The following CYP2A6 variants were observed in gnomAD, a reference collection of about 807,000 sequenced individuals.
CYP2A6 encodes cytochrome P450 family 2 subfamily A member 6, also known as cytochrome P450 2A6.
Under a neutral mutation model 42.3 loss-of-function variants are expected in CYP2A6, and 27 were observed. That is an observed-to-expected ratio of 0.64 (90% CI 0.47 to 0.88). The LOEUF (loss-of-function observed/expected upper bound fraction) is 0.88. Among genes scored for constraint, CYP2A6 ranks in the 40% least tolerant of loss-of-function variants. CYP2A6 has a pLI of 0.00. For missense variants in CYP2A6, 628 were observed against 646.0 expected (o/e 0.97, Z 0.30); for synonymous variants, 238 against 246.3 (o/e 0.97, Z 0.31).
At chr19:40,845,898 G>A in intron 6 of CYP2A6, 58 bp downstream of exon 6, 19 of 1,589,378 alleles carry the variant, frequency 1.2e-5, no homozygotes, top group Non-Finnish European at 1.6e-5. Context: ...CATTGCACCA[G>A]TCGAAGGGGA....
At position 40,843,709 on chromosome 19, in the gene CYP2A6, CT is replaced by C; in HGVS notation, c.*86del. 7.4e-7 allele frequency: 1 copy of C among 1,342,382 alleles called. No homozygotes were observed. The highest frequency in any genetic ancestry group is 1.4e-5 in the South Asian group (1 of 72,884). 83.2% of individuals were successfully genotyped at this position (1,342,382 alleles called of 1,614,324 possible). A position where few individuals can be genotyped will look rare whatever the true frequency, so the allele number is the denominator to read the frequency against. On this transcript the variant is annotated 3_prime_UTR_variant, in exon 9 of 9. Coordinates refer to ENST00000301141, the MANE Select transcript of CYP2A6 (RefSeq NM_000762.6). ...TCCTTTCCGCCATCCTGCCCCCAGT[CT>C]TAGCTGCGCCCCTCTCCCAAGCCCG...
At chr19:40,844,144 A>G (rs2083444237) in intron 8 of CYP2A6, among the ~76,000 whole-genome samples, 167 bp from the exon 9 acceptor site, 1 of 150,750 alleles carries the variant, frequency 6.6e-6, no homozygotes, top group Non-Finnish European at 1.5e-5. Flanking sequence ...ATTTCTTTCT[A>G]TAAGAGATGT....
chr19:40,849,054 GAGAGAGAGAGAGAGA>G (rs1967171377), intron 2 of CYP2A6, among the ~76,000 whole-genome samples: 1 of 122,172 alleles, frequency 8.2e-6, no homozygotes, highest in African/African-American at 3.1e-5. Context: ...AGGAGAGAGA[GAGAGAGAGAGAGAGA>G]GAGAGAGAGA....
In CYP2A6 at chr19:40,843,731, G is replaced by A. The variant is rs562378426; in HGVS notation, c.*65C>T. 7.3e-7 allele frequency: 1 copy of A among 1,375,754 alleles called. No individual in the cohort carries two copies. Among genetic ancestry groups the A allele is most frequent in the Non-Finnish European group, 9.7e-7 (1 of 1,028,218 alleles). The allele number at this position is 1,375,754 out of a possible 1,614,324, so 85.2% of individuals were successfully genotyped here. On this transcript the variant is annotated 3_prime_UTR_variant, in exon 9 of 9. Transcript: ENST00000301141. ...AGTCTTAGCTGCGCCCCTCTCCCAA[G>A]CCCGGTCTTGGCCCTGCCCTTTCCC...
chr19:40,847,194 T>C (rs1445611943), intron 4 of CYP2A6, 143 bp from the exon 5 acceptor site: 8 of 1,291,936 alleles, frequency 6.2e-6, no homozygotes, highest in Non-Finnish European at 7.3e-6. Flanking sequence ...TGGGGCCGGA[T>C]AGGAACTTAT....
At chr19:40,848,980 A>AGG (rs1568516012) in intron 2 of CYP2A6, among the ~76,000 whole-genome samples, 10 of 113,018 alleles carry the variant, frequency 8.8e-5, no homozygotes, top group African/African-American at 3.6e-4. Context: ...GAGAGAGAAG[A>AGG]GAGAGAGGAG....
rs1166908331 is a variant in CYP2A6, at chr19:40,850,402, C to T, written c.25G>A (p.Val9Met). The change falls in exon 1 of 9, where the codon GTG (valine) becomes ATG (methionine). Residue 9 changes from valine (V) to methionine (M), a missense_variant. Coordinates refer to ENST00000301141, the MANE Select transcript of CYP2A6 (RefSeq NM_000762.6). MLASGMLL[V>M]ALLVCLTVMV... ...ACAGTCAGGCAGACCAGCAAGGCCA[C>T]CAGAAGCATCCCTGAGGCCAGCATG... 6.8e-6 allele frequency: 11 copies of T among 1,609,706 alleles called. 2 individuals carry two copies. Among genetic ancestry groups the T allele is most frequent in the Non-Finnish European group, 6.8e-6 (8 of 1,178,582 alleles).
chr19:40,850,335 C>T lies in CYP2A6; in HGVS notation c.92G>A (p.Gly31Glu). 6.2e-7 allele frequency: 1 copy of T among 1,610,122 alleles called. No individual in the cohort carries two copies. The highest frequency in any genetic ancestry group is 8.5e-7 in the Non-Finnish European group (1 of 1,178,862). ...MSVWQQRKSKGKLPPGPTPLP... is the reference protein window; with the variant it reads ...MSVWQQRKSKEKLPPGPTPLP... ...TGGGGTGGGTCCCGGAGGCAGCTTC[C>T]CCTTGCTCTTCCTCTGCTGCCAAAC... The change falls in exon 1 of 9, where the codon GGG (glycine) becomes GAG (glutamate). Residue 31 changes from glycine to glutamate, a missense_variant. By Grantham distance (98) the Gly-to-Glu change is moderately conservative. Transcript: ENST00000301141.
chr19:40,848,960 GA>G (rs1967155619), intron 2 of CYP2A6, among the ~76,000 whole-genome samples, 197 bp from the exon 3 acceptor site: 1 of 135,076 alleles, frequency 7.4e-6, no homozygotes, highest in Non-Finnish European at 1.6e-5. Flanking sequence ...GAGAGAGAGA[GA>G]GAGAGAGAGA....
Position 40,843,884 on chromosome 19 carries a change from T to A in CYP2A6, c.1397A>T (p.Gln466Leu), listed in dbSNP as rs749536457. The A allele has an allele frequency of 1.8e-5, 29 of 1,612,414 alleles. No individual in the cohort carries two copies. The highest frequency in any genetic ancestry group is 2.5e-5 in the Non-Finnish European group (29 of 1,179,782). ...GGACACGTCAATGTCCTTAGGTGAC[T>A]GGGAGGACTTGAGGCGGAAGTTCTG... ...VMQNFRLKSS[Q>L]SPKDIDVSPK... The change falls in exon 9 of 9, where the codon CAG (glutamine) becomes CTG (leucine). Residue 466 changes from glutamine (Q) to leucine (L), a missense_variant. By Grantham distance (113) the Gln-to-Leu change is moderately radical. Around this residue, in one of 2 missense-constraint regions of CYP2A6, gnomAD observed 22 missense variants for 77.8 expected, o/e 0.28. Coordinates refer to ENST00000301141, the MANE Select transcript of CYP2A6 (RefSeq NM_000762.6).
chr19:40,845,144 G>A, intron 7 of CYP2A6, 150 bp downstream of exon 7: 1 of 938,674 alleles, frequency 1.1e-6, no homozygotes, highest in South Asian at 1.6e-5. Context: ...TAAGTGGAAA[G>A]GTGGAACGGA....
rs369373560 is a variant in CYP2A6 at position 40,848,609 on chromosome 19, C to T, written c.493+5G>A. The T allele has an allele frequency of 1.2e-6, 2 of 1,610,796 alleles. No individual in the cohort carries two copies. The highest frequency in any genetic ancestry group is 2.7e-5 in the African/African-American group (2 of 74,672). ...CTGCCCCCGCACTCGGGGTCCCCTG[C>T]TCACCGCCAGTGCCCCGGAGGGCGT... On this transcript the variant is annotated splice_donor_5th_base_variant and intron_variant, in intron 3 of 8. Coordinates refer to ENST00000301141, the MANE Select transcript of CYP2A6 (RefSeq NM_000762.6).
At chr19:40,850,110 T>C (rs1967193527) in intron 1 of CYP2A6, 130 bp from the exon 2 acceptor site, 1 of 1,528,898 alleles carries the variant, frequency 6.5e-7, no homozygotes, top group Non-Finnish European at 8.8e-7. Context: ...CATCCCAAGA[T>C]CCTGTCTTTC....
intron 3 of CYP2A6, 35 bp downstream of exon 3, chr19:40,848,579 T>G (rs1398044397): frequency 6.2e-7 from 1 of 1,605,346 alleles, no homozygotes; most frequent in Admixed American, 1.7e-5. Flanking sequence ...GGTGTTTTCC[T>G]TCTCCTGCCC....
At position 40,846,854 on chromosome 19, in the gene CYP2A6, G is replaced by A. The variant is rs546098110; in HGVS notation, c.831+21C>T. 51 of 1,609,982 alleles carry A rather than the reference G, an allele frequency of 3.2e-5. 1 individual carries two copies. Among genetic ancestry groups the A allele is most frequent in the Middle Eastern group, 3.3e-4 (2 of 6,080 alleles). Reference sequence around the variant, plus strand: ...CCTCTGCCTGGCTTTGCATCTCCCCGCAGTGGCTGCTGGGGTGTACCTCCT... The same window carrying A: ...CCTCTGCCTGGCTTTGCATCTCCCCACAGTGGCTGCTGGGGTGTACCTCCT... On this transcript the variant is annotated intron_variant, in intron 5 of 8. Transcript: ENST00000301141.
intron 5 of CYP2A6, among the ~76,000 whole-genome samples, chr19:40,846,633 A>G (rs570989597): frequency 6.6e-6 from 1 of 151,588 alleles, no homozygotes; most frequent in South Asian, 2.1e-4. Context: ...GATTTTTAGT[A>G]GAGACGGGGT....
At chr19:40,846,125 C>T (rs765905000) in intron 5 of CYP2A6, 28 bp from the exon 6 acceptor site, 20 of 1,609,456 alleles carry the variant, frequency 1.2e-5, no homozygotes, top group Middle Eastern at 1.7e-4. Context: ...TTTAGGCCAA[C>T]CTCACTCCTC....
intron 2 of CYP2A6, among the ~76,000 whole-genome samples, chr19:40,849,057 AGAG>A: frequency 7.5e-6 from 1 of 133,134 alleles, no homozygotes; most frequent in African/African-American, 2.9e-5. Context: ...AGAGAGAGAG[AGAG>A]AGAGAGAGAG....
Position 40,848,297 on chromosome 19 carries a change from G to C in CYP2A6, c.576C>G (p.Asp192Glu). Reference sequence around the variant, plus strand: ...GTGACAGGAACTCTTTGTCCTTATAGTCAAAGCGGTCCCCAAAGACAATGG... The same window carrying C: ...GTGACAGGAACTCTTTGTCCTTATACTCAAAGCGGTCCCCAAAGACAATGG... ...ISSIVFGDRF[D>E]YKDKEFLSLL... is the part of the protein sequence containing the mutation. The change falls in exon 4 of 9, where the codon GAC (aspartate) becomes GAG (glutamate). Residue 192 changes from aspartate to glutamate, a missense_variant. This residue lies in a region of CYP2A6 where 606 missense variants were observed against 568.1 expected (regional missense o/e 1.07). Coordinates refer to ENST00000301141, the MANE Select transcript of CYP2A6 (RefSeq NM_000762.6). 6.2e-7 allele frequency: 1 copy of C among 1,611,900 alleles called. No individual in the cohort carries two copies. Among genetic ancestry groups the C allele is most frequent in the South Asian group, 1.1e-5 (1 of 90,920 alleles).
Sources: gnomAD v4.1 joint callset for allele counts (sites outside exome capture counted in the v4.1 genomes callset) on GRCh38, gnomAD v4.1.1 for gene constraint, gnomAD v4.1.1 regional missense constraint, MANE v1.5 for transcripts, NCBI Gene and HGNC (gene_info 2026-07-23, HGNC 2026-07-21) for gene names.